ZFP91: variants seen among roughly 807,000 people sequenced by gnomAD.
The protein encoded by ZFP91 is ZFP91 zinc finger protein, atypical E3 ubiquitin ligase.
ZFP91 carries 7 observed loss-of-function variants against 63.5 expected under a neutral mutation model. The ratio of observed to expected loss-of-function variants is 0.11; its 90% CI spans 0.06 to 0.21. The LOEUF (loss-of-function observed/expected upper bound fraction) is 0.21. ZFP91 is among the 10% of genes least tolerant of loss of function. The pLI is 1.00. For missense variants in ZFP91, 628 were observed against 736.6 expected, an observed-to-expected ratio of 0.85 and a Z score of 1.71; for synonymous variants, 330 against 272.1, an observed-to-expected ratio of 1.21 and a Z score of -2.10.
chr11:58,617,676 G>A lies in ZFP91; in HGVS notation c.1683G>A (p.Leu561=). 2.6e-6 allele frequency: 4 copies of A among 1,520,962 alleles called. No individual in the cohort carries two copies. Among genetic ancestry groups the A allele is most frequent in the Non-Finnish European group, 3.5e-6 (4 of 1,135,312 alleles). The allele number at this position is 1,520,962 out of a possible 1,614,324, so 94.2% of individuals were successfully genotyped here. ...TACTCGGTGCTACCACAGAGGTTCT[G>A]ATTGAAGATTCAGACTCTGCCGGAC... ...SDILGATTEV[L]IEDSDSAGP Residue 561 remains leucine (L), a synonymous_variant, in exon 11 of 11, where the codon CTG becomes CTA. Transcript: ENST00000316059. The surrounding 1 kb of genome is among the most constrained non-coding windows in gnomAD (Gnocchi z 4.2).
intron 9 of ZFP91, among the ~76,000 whole-genome samples, chr11:58,614,677 A>AAT (rs1007403872): frequency 1.5e-4 from 23 of 152,224 alleles, no homozygotes; most frequent in African/African-American, 4.8e-4. Flanking sequence ...TATTGATCTT[A>AAT]TTTTACAGCT....
chr11:58,598,208 CTT>C lies in ZFP91; in HGVS notation c.371-11620_371-11619del, dbSNP rs1444615593. 2.6e-5 allele frequency among the ~76,000 whole-genome samples: 4 copies of C among 152,012 alleles called. No individual in the cohort carries two copies. The South Asian group carries it at 6.2e-4, about 24-fold the overall frequency. ...GGATGATACCATATATAGTCTAAGA[CTT>C]TGTGTGTGTAAGTTTTGTTGAATTT... On this transcript the variant is annotated intron_variant, in intron 2 of 10. Transcript: ENST00000316059.
At chr11:58,611,768 C>CT (rs769225306) in intron 6 of ZFP91, 30 bp downstream of exon 6, 6 of 1,578,256 alleles carry the variant, frequency 3.8e-6, no homozygotes, top group East Asian at 2.3e-5. Context: ...AAATGAAAAT[C>CT]TAACAGATTT....
chr11:58,584,895 G>T lies in ZFP91; in HGVS notation c.370+11G>T. 1.3e-6 allele frequency: 2 copies of T among 1,516,206 alleles called. No homozygotes were observed. Among genetic ancestry groups the T allele is most frequent in the Non-Finnish European group, 1.8e-6 (2 of 1,140,840 alleles). 93.9% of individuals were successfully genotyped at this position (1,516,206 alleles called of 1,614,324 possible). On this transcript the variant is annotated intron_variant, in intron 2 of 10. Coordinates refer to ENST00000316059, the MANE Select transcript of ZFP91 (RefSeq NM_053023.5). ...TAACAACTGATAAAGGTAAGACTTG[G>T]TCATCCTTACCTCTAGCGTACATTA...
At chr11:58,596,582 C>G (rs1855407658) in intron 2 of ZFP91, among the ~76,000 whole-genome samples, 1 of 152,116 alleles carries the variant, frequency 6.6e-6, no homozygotes, top group African/African-American at 2.4e-5. Context: ...GGCCCCTGTT[C>G]AAAAGCACTC....
rs758786338 is a variant in ZFP91, at chr11:58,579,590, T to C, written c.309T>C (p.Ser103=). ...GQQPQAAKSP[S]PVQGKKSPRL... ...AGCCCCAGGCCGCGAAGTCCCCGTC[T>C]CCAGTTCAGGGCAAGAAGAGTCCGC... The change falls in exon 1 of 11, where the codon TCT becomes TCC. Residue 103 remains serine, a synonymous_variant. Transcript: ENST00000316059. The C allele has an allele frequency of 6.3e-7, 1 of 1,580,444 alleles. No individual in the cohort carries two copies. Among genetic ancestry groups the C allele is most frequent in the East Asian group, 2.5e-5 (1 of 39,722 alleles).
intron 2 of ZFP91, among the ~76,000 whole-genome samples, chr11:58,585,628 A>G (rs910472656): frequency 6.6e-6 from 1 of 152,186 alleles, no homozygotes; most frequent in African/African-American, 2.4e-5. Flanking sequence ...GCCAGTTTCC[A>G]AACTCCTAGA....
At chr11:58,591,643 G>A (rs908096874) in intron 2 of ZFP91, among the ~76,000 whole-genome samples, 5 of 152,076 alleles carry the variant, frequency 3.3e-5, no homozygotes, top group Admixed American at 1.3e-4. Context: ...CTTTCTGTCT[G>A]TATAGATTTG....
In ZFP91 at chr11:58,610,336, TAAA is replaced by T; in HGVS notation, c.617+8_617+10del. The T allele has an allele frequency of 6.3e-7, 1 of 1,582,968 alleles. No individual in the cohort carries two copies. ...GCATCAGTCTCCAGGTGGCATTAGG[TAAA>T]AAAAACATTAATATTTCATTTTTAA... On this transcript the variant is annotated splice_donor_5th_base_variant and intron_variant, in intron 4 of 10. Coordinates refer to ENST00000316059, the MANE Select transcript of ZFP91 (RefSeq NM_053023.5).
intron 9 of ZFP91, 24 bp downstream of exon 9, chr11:58,614,367 A>C (rs974378272): frequency 2.6e-6 from 4 of 1,540,308 alleles, no homozygotes; most frequent in Non-Finnish European, 2.7e-6. Flanking sequence ...GTGTTTATCA[A>C]GTAGGTAATT....
intron 2 of ZFP91, among the ~76,000 whole-genome samples, chr11:58,589,651 T>TTGGACAAAA (rs1267079784): frequency 1.3e-5 from 2 of 152,246 alleles, no homozygotes; most frequent in Non-Finnish European, 2.9e-5. Flanking sequence ...ACATTTTTGT[T>TTGGACAAAA]TGTCCTTCCT....
chr11:58,589,505 A>T (rs1855268442), intron 2 of ZFP91, among the ~76,000 whole-genome samples: 1 of 152,256 alleles, frequency 6.6e-6, no homozygotes, highest in South Asian at 2.1e-4. Context: ...TAATATTTCA[A>T]AGCAAACTTT....
chr11:58,609,043 G>T (rs752604009), intron 2 of ZFP91, among the ~76,000 whole-genome samples: 5 of 152,096 alleles, frequency 3.3e-5, no homozygotes, highest in African/African-American at 4.8e-5. Flanking sequence ...GTTTATTAAA[G>T]AATCTTCTAT....
Position 58,620,554 on chromosome 11 carries a change from C to G in ZFP91, c.*2848C>G, listed in dbSNP as rs1474160845. 6.6e-6 allele frequency: 1 copy of G among 152,598 alleles called. No homozygotes were observed. Among genetic ancestry groups the G allele is most frequent in the Non-Finnish European group, 1.5e-5 (1 of 68,030 alleles). 9.5% of individuals were successfully genotyped at this position (152,598 alleles called of 1,614,324 possible). ...GTAACTGAGACTCCTTGATATGCTT[C>G]AGAGAATTTAGGCAAACACTGGCCA... On this transcript the variant is annotated 3_prime_UTR_variant, in exon 11 of 11. Coordinates refer to ENST00000316059, the MANE Select transcript of ZFP91 (RefSeq NM_053023.5).
intron 9 of ZFP91, 143 bp downstream of exon 9, chr11:58,614,486 A>G: frequency 3.3e-6 from 2 of 604,498 alleles, no homozygotes; most frequent in South Asian, 6.3e-5. Context: ...AAAATGTAGT[A>G]AGACAAATTT....
At chr11:58,579,725 G>T in intron 1 of ZFP91, 103 bp downstream of exon 1, 5 of 1,150,248 alleles carry the variant, frequency 4.3e-6, no homozygotes, top group Non-Finnish European at 5.8e-6. Flanking sequence ...TGCCTGGTCT[G>T]CCCCCTGCCG....
intron 2 of ZFP91, among the ~76,000 whole-genome samples, chr11:58,591,248 C>G (rs2507758): frequency 0.49 from 74,051 of 151,950 alleles, 18,909 homozygotes; most frequent in African/African-American, 0.65. Context: ...TTTTGTGTCT[C>G]GCTTATTTTG....
chr11:58,598,439 C>T (rs1855439305), intron 2 of ZFP91, among the ~76,000 whole-genome samples: 1 of 152,064 alleles, frequency 6.6e-6, no homozygotes, highest in African/African-American at 2.4e-5. Context: ...CCATGCAGTT[C>T]AAAGCTTTGT....
chr11:58,602,463 G>A (rs1855506731), intron 2 of ZFP91, among the ~76,000 whole-genome samples: 2 of 151,368 alleles, frequency 1.3e-5, no homozygotes, highest in South Asian at 2.1e-4. Flanking sequence ...GGGGGGAGAG[G>A]GAGAGGGGGC....
Sources: gnomAD v4.1 joint callset for allele counts (sites outside exome capture counted in the v4.1 genomes callset) on GRCh38, gnomAD v4.1.1 for gene constraint, Gnocchi (gnomAD v3.1) non-coding constraint, MANE v1.5 for transcripts, NCBI Gene and HGNC (gene_info 2026-07-23, HGNC 2026-07-21) for gene names.